DENND11: variants seen among roughly 807,000 people sequenced by gnomAD.
The protein encoded by DENND11 is DENN domain containing 11.
DENND11 carries 34 observed loss-of-function variants against 49.2 expected under a neutral mutation model. The observed-to-expected ratio is 0.69, with a 90% CI of 0.53 to 0.92. The LOEUF (loss-of-function observed/expected upper bound fraction) is 0.92. Among genes scored for constraint, DENND11 ranks in the 40% least tolerant of loss-of-function variants. The pLI, the probability that DENND11 is intolerant of heterozygous loss-of-function variation, is 0.00. For missense variants in DENND11, 475 were observed against 581.6 expected (o/e 0.82, Z 1.88); for synonymous variants, 238 against 230.3 (o/e 1.03, Z -0.30).
At chr7:141,662,992 GAA>G in intron 8 of DENND11, 141 bp from the exon 9 acceptor site, 3 of 589,218 alleles carry the variant, frequency 5.1e-6, no homozygotes, top group Non-Finnish European at 2.7e-6. Flanking sequence ...TTTAAAAAAA[GAA>G]AAGAGTAAAA....
intron 2 of DENND11, 147 bp from the exon 3 acceptor site, chr7:141,685,783 A>C: frequency 6.0e-6 from 5 of 831,538 alleles, no homozygotes; most frequent in Non-Finnish European, 9.3e-6. Context: ...ACATGACCTC[A>C]CTGATGAGCT....
Position 141,659,758 on chromosome 7 carries a change from T to C in DENND11, c.*2898A>G, listed in dbSNP as rs1587193125. 6.6e-6 allele frequency: 1 copy of C among 152,216 alleles called. No individual in the cohort carries two copies. Among genetic ancestry groups the C allele is most frequent in the Admixed American group, 6.5e-5 (1 of 15,274 alleles). 9.4% of individuals were successfully genotyped at this position (152,216 alleles called of 1,614,324 possible). Reference sequence around the variant, plus strand: ...GCGAGGGCTGAGGCCCGGCAGGAGATGGTGGCAGAAGGTGTCACACCACAG... The same window carrying C: ...GCGAGGGCTGAGGCCCGGCAGGAGACGGTGGCAGAAGGTGTCACACCACAG... On this transcript the variant is annotated 3_prime_UTR_variant, in exon 9 of 9. Transcript: ENST00000536163.
intron 1 of DENND11, among the ~76,000 whole-genome samples, chr7:141,692,055 G>A (rs1798334837): frequency 6.6e-6 from 1 of 152,152 alleles, no homozygotes; most frequent in African/African-American, 2.4e-5. Flanking sequence ...GTTTAGGAGT[G>A]ACATATTATC....
In DENND11 at chr7:141,659,326, G is replaced by A. The variant is rs1587192507; in HGVS notation, c.*3330C>T. On this transcript the variant is annotated 3_prime_UTR_variant, in exon 9 of 9. Coordinates refer to ENST00000536163, the MANE Select transcript of DENND11 (RefSeq NM_001080392.2). ...TGGAATGGTCTCTACCAGGCATAGG[G>A]AATGGTTCGTGTTTAAAGGCCAAGC... The A allele has an allele frequency of 6.6e-6, 1 of 152,352 alleles. No individual in the cohort carries two copies. The highest frequency in any genetic ancestry group is 1.9e-4 in the East Asian group (1 of 5,182). The allele number at this position is 152,352 out of a possible 1,614,324, so 9.4% of individuals were successfully genotyped here. A position where few individuals can be genotyped will look rare whatever the true frequency, so the allele number is the denominator to read the frequency against.
At position 141,662,370 on chromosome 7, in the gene DENND11, ACTC is replaced by A. The variant is rs926327213; in HGVS notation, c.*283_*285del. On this transcript the variant is annotated 3_prime_UTR_variant, in exon 9 of 9. Coordinates refer to ENST00000536163, the MANE Select transcript of DENND11 (RefSeq NM_001080392.2). ...TCCCAATGTTTCCAGAGCTCAGCCT[ACTC>A]CTAGTGATACAACTCCCATGACCAA... 46 of 357,414 alleles carry A rather than the reference ACTC, an allele frequency of 1.3e-4. No homozygotes were observed. Among genetic ancestry groups the A allele is most frequent in the Admixed American group, 5.2e-4 (11 of 21,218 alleles). The allele number at this position is 357,414 out of a possible 1,614,324, so 22.1% of individuals were successfully genotyped here. A position where few individuals can be genotyped will look rare whatever the true frequency, so the allele number is the denominator to read the frequency against.
At chr7:141,682,619 A>G (rs1331569674) in intron 3 of DENND11, among the ~76,000 whole-genome samples, 1 of 152,232 alleles carries the variant, frequency 6.6e-6, no homozygotes, top group Non-Finnish European at 1.5e-5. Flanking sequence ...TTCTTAGGAT[A>G]CGGTGGAATA....
In DENND11 at chr7:141,686,573, G is replaced by A; in HGVS notation, c.354C>T (p.Ile118=). Residue 118 remains isoleucine, a synonymous_variant, in exon 2 of 9, where the codon ATC becomes ATT. Coordinates refer to ENST00000536163, the MANE Select transcript of DENND11 (RefSeq NM_001080392.2). Reference sequence around the variant, plus strand: ...GAAGTACTTACATGAAATCAGATTGGATTTTATGGGACCCACTGGCCATAG... The same window carrying A: ...GAAGTACTTACATGAAATCAGATTGAATTTTATGGGACCCACTGGCCATAG... The part of the protein sequence containing the change: ...FKSMASGSHK[I]QSDFIYFRKG... 1.2e-6 allele frequency: 2 copies of A among 1,609,362 alleles called. No individual in the cohort carries two copies. Among genetic ancestry groups the A allele is most frequent in the East Asian group, 4.5e-5 (2 of 44,856 alleles).
intron 3 of DENND11, among the ~76,000 whole-genome samples, chr7:141,674,936 C>T (rs557191583): frequency 3.9e-5 from 6 of 152,084 alleles, no homozygotes; most frequent in South Asian, 2.1e-4. Context: ...CCCAGTGGAG[C>T]GCAGGAGCAC....
chr7:141,678,820 G>A (rs757912134), intron 3 of DENND11, among the ~76,000 whole-genome samples: 1 of 152,100 alleles, frequency 6.6e-6, no homozygotes, highest in African/African-American at 2.4e-5. Flanking sequence ...TTTACCGTTG[G>A]TTTGTTTGAA....
chr7:141,667,261 C>A (rs925974133), intron 4 of DENND11, among the ~76,000 whole-genome samples: 1 of 152,122 alleles, frequency 6.6e-6, no homozygotes, highest in Admixed American at 6.5e-5. Flanking sequence ...CCCTGAATTG[C>A]CTTCTAGGAA....
At chr7:141,681,471 C>T (rs1282014633) in intron 3 of DENND11, among the ~76,000 whole-genome samples, 2 of 152,060 alleles carry the variant, frequency 1.3e-5, no homozygotes, top group Non-Finnish European at 2.9e-5. Flanking sequence ...CTTGGGCAGA[C>T]AAGGGAGTCA....
Position 141,699,369 on chromosome 7 carries a change from A to C in DENND11, c.268+2517T>G, listed in dbSNP as rs144341554. The stretch of plus-strand genomic sequence containing the variant: ...CTAGTGCTAACCTTGAGGCCCTCAG[A>C]AGCTCAGTAGCATTCATTCACTACA... On this transcript the variant is annotated intron_variant, in intron 1 of 8. Coordinates refer to ENST00000536163, the MANE Select transcript of DENND11 (RefSeq NM_001080392.2). Among the ~76,000 whole-genome samples, 20 of 152,276 alleles carry C rather than the reference A, an allele frequency of 1.3e-4. No homozygotes were observed. The East Asian group carries it at 3.7e-3, about 28-fold the overall frequency.
intron 8 of DENND11, chr7:141,663,741 T>G (rs1041098820): frequency 6.4e-6 from 1 of 157,096 alleles, no homozygotes; most frequent in Non-Finnish European, 1.4e-5. Context: ...GGAAAGGCCC[T>G]GGCTTCTGCA....
rs1186841927 is a variant in DENND11 at position 141,660,888 on chromosome 7, C to T, written c.*1768G>A. On this transcript the variant is annotated 3_prime_UTR_variant, in exon 9 of 9. Coordinates refer to ENST00000536163, the MANE Select transcript of DENND11 (RefSeq NM_001080392.2). ...TACACATTACTGAAATGACAGCAAC[C>T]CACATTGCAGAGGAGAAAAGTCTAT... 6.6e-6 allele frequency: 1 copy of T among 152,408 alleles called. No individual in the cohort carries two copies. Among genetic ancestry groups the T allele is most frequent in the East Asian group, 1.9e-4 (1 of 5,194 alleles). 9.4% of individuals were successfully genotyped at this position (152,408 alleles called of 1,614,324 possible). A position where few individuals can be genotyped will look rare whatever the true frequency, so the allele number is the denominator to read the frequency against.
intron 4 of DENND11, among the ~76,000 whole-genome samples, chr7:141,672,475 G>A (rs1797997949): frequency 6.6e-6 from 1 of 152,196 alleles, no homozygotes; most frequent in Non-Finnish European, 1.5e-5. Flanking sequence ...ACTGAGGGGA[G>A]CCCCCAACTA....
At chr7:141,692,042 A>G (rs1798334645) in intron 1 of DENND11, among the ~76,000 whole-genome samples, 1 of 152,238 alleles carries the variant, frequency 6.6e-6, no homozygotes, top group Non-Finnish European at 1.5e-5. Context: ...TTTATACTCA[A>G]ACGTTTAGGA....
rs908833806 is a variant in DENND11 at position 141,662,390 on chromosome 7, C to T, written c.*266G>A. ...AGCCTACTCCTAGTGATACAACTCC[C>T]ATGACCAAGCCCAGAGGACCAGCAG... On this transcript the variant is annotated 3_prime_UTR_variant, in exon 9 of 9. Coordinates refer to ENST00000536163, the MANE Select transcript of DENND11 (RefSeq NM_001080392.2). The T allele has an allele frequency of 1.8e-5, 7 of 389,198 alleles. No individual in the cohort carries two copies. Among genetic ancestry groups the T allele is most frequent in the Non-Finnish European group, 2.7e-5 (6 of 220,718 alleles). 24.1% of individuals were successfully genotyped at this position (389,198 alleles called of 1,614,324 possible).
intron 1 of DENND11, among the ~76,000 whole-genome samples, chr7:141,698,401 C>T (rs947373199): frequency 2.0e-5 from 3 of 152,188 alleles, no homozygotes; most frequent in African/African-American, 7.2e-5. Flanking sequence ...ACCCAGCTTG[C>T]AGAGTTAGCA....
intron 1 of DENND11, among the ~76,000 whole-genome samples, chr7:141,699,040 C>A (rs1435287334): frequency 2.0e-5 from 3 of 152,134 alleles, no homozygotes; most frequent in Non-Finnish European, 4.4e-5. Flanking sequence ...AGTGGCTAAG[C>A]AGGCAGGCCA....
Sources: gnomAD v4.1 joint callset for allele counts (sites outside exome capture counted in the v4.1 genomes callset) on GRCh38, gnomAD v4.1.1 for gene constraint, MANE v1.5 for transcripts, NCBI Gene and HGNC (gene_info 2026-07-23, HGNC 2026-07-21) for gene names.